PNLIPRP1: variants seen among roughly 807,000 people sequenced by gnomAD.
PNLIPRP1 encodes the protein inactive pancreatic lipase-related protein 1.
In PNLIPRP1, 57 loss-of-function variants were observed where a neutral mutation model predicts 54.6. The ratio of observed to expected loss-of-function variants is 1.04; its 90% CI spans 0.84 to 1.30. The LOEUF is 1.30. PNLIPRP1 is among the 50% of genes most tolerant of loss of function. The probability of loss-of-function intolerance (pLI) is 0.00; values close to 1 mark genes in which losing one functional copy is unlikely to be tolerated. For synonymous variants in PNLIPRP1, 232 were observed against 208.8 expected, an observed-to-expected ratio of 1.11 and a Z score of -0.96; for missense variants, 567 against 568.5, an observed-to-expected ratio of 1.00 and a Z score of 0.03.
chr10:116,597,079 A>G (rs1262541543), intron 6 of PNLIPRP1, among the ~76,000 whole-genome samples: 2 of 152,060 alleles, frequency 1.3e-5, no homozygotes, highest in African/African-American at 4.8e-5. Context: ...GGCTTAAGCA[A>G]CTCTTTATAA....
chr10:116,608,920 C>A, intron 12 of PNLIPRP1, 133 bp from the exon 13 acceptor site: 1 of 736,120 alleles, frequency 1.4e-6, no homozygotes. Context: ...CCTCCTGAAT[C>A]ACTCATCAAC....
chr10:116,605,315 G>A, intron 11 of PNLIPRP1, 71 bp from the exon 12 acceptor site: 5 of 781,362 alleles, frequency 6.4e-6, no homozygotes, highest in Non-Finnish European at 9.8e-6. Flanking sequence ...AGAGAAAACA[G>A]CAGCCTGGCA....
chr10:116,603,967 G>C (rs1355115890), intron 10 of PNLIPRP1, 63 bp from the exon 11 acceptor site: 2 of 883,982 alleles, frequency 2.3e-6, no homozygotes, highest in African/African-American at 1.7e-5. Context: ...AAGGAGACAA[G>C]TCTGGGATGT....
chr10:116,592,038 C>A lies in PNLIPRP1; in HGVS notation c.204+113C>A, dbSNP rs185082900. The A allele has an allele frequency of 3.9e-4, 459 of 1,177,080 alleles. 1 individual carries two copies. The African/African-American group carries it at 6.4e-3, about 16-fold the overall frequency. The allele number at this position is 1,177,080 out of a possible 1,614,324, so 72.9% of individuals were successfully genotyped here. A position where few individuals can be genotyped will look rare whatever the true frequency, so the allele number is the denominator to read the frequency against. ...CTTCCTCCACCATGCCCCACCCCAT[C>A]CCTCAAGCTGCCCCCCAGACCTAGC... is the stretch of plus-strand genomic sequence containing the variant. On this transcript the variant is annotated intron_variant, in intron 3 of 12. Transcript: ENST00000358834.
rs546119681 is a variant in PNLIPRP1, at chr10:116,595,310, G to A, written c.465+446G>A. ...TGGCATGTACCAGCTCTACTGGCCT[G>A]GTGGTATGGGTCCTATTGATGTTGG... On this transcript the variant is annotated intron_variant, in intron 5 of 12. Transcript: ENST00000358834. 26 of 169,436 alleles carry A rather than the reference G, an allele frequency of 1.5e-4. No individual in the cohort carries two copies. The East Asian group carries it at 4.0e-3, about 26-fold the overall frequency. 10.5% of individuals were successfully genotyped at this position (169,436 alleles called of 1,614,324 possible). A position where few individuals can be genotyped will look rare whatever the true frequency, so the allele number is the denominator to read the frequency against.
Position 116,604,681 on chromosome 10 carries a change from CT to C in PNLIPRP1, c.1172+567del, listed in dbSNP as rs1234478269. ...CCTAGGCATTTCGTCCTTTCTCTCTCTTTTTTTTTTTTTTTTTTTTTTTTGA... is the reference window on the plus strand; with the variant it reads ...CCTAGGCATTTCGTCCTTTCTCTCTCTTTTTTTTTTTTTTTTTTTTTTTGA... On this transcript the variant is annotated intron_variant, in intron 11 of 12. Transcript: ENST00000358834. Among the ~76,000 whole-genome samples, 864 of 94,144 alleles carry C rather than the reference CT, an allele frequency of 9.2e-3. 2 individuals carry two copies. Among genetic ancestry groups the C allele is most frequent in the Middle Eastern group, 0.054 (6 of 112 alleles). 61.8% of individuals were successfully genotyped at this position (94,144 alleles called of 152,430 possible).
At chr10:116,597,718 C>G in intron 6 of PNLIPRP1, 110 bp from the exon 7 acceptor site, 1 of 1,224,436 alleles carries the variant, frequency 8.2e-7, no homozygotes, top group Non-Finnish European at 1.2e-6. Flanking sequence ...CACTCTGGTG[C>G]ATGGTACCCA....
intron 5 of PNLIPRP1, 31 bp from the exon 6 acceptor site, chr10:116,596,183 A>T (rs2915765): frequency 0.49 from 703,821 of 1,442,072 alleles, 178,275 homozygotes; most frequent in Admixed American, 0.57. Context: ...ACAGCAAAAA[A>T]TGTCCTGAAA....
chr10:116,595,096 A>C (rs1554863782), intron 5 of PNLIPRP1: 16 of 508,238 alleles, frequency 3.1e-5, no homozygotes, highest in Non-Finnish European at 5.6e-5. Flanking sequence ...TTACAGATAA[A>C]GAAACTGAGG....
Position 116,597,963 on chromosome 10 carries a change from C to T in PNLIPRP1, c.694+16C>T, listed in dbSNP as rs782604524. ...CCATTCTTGGGTGAGACCTATGATG[C>T]TCCAGCTGTGAGCACGCACAACTGT... On this transcript the variant is annotated intron_variant, in intron 7 of 12. Transcript: ENST00000358834. The T allele has an allele frequency of 6.2e-6, 10 of 1,614,194 alleles. No homozygotes were observed. The highest frequency in any genetic ancestry group is 8.5e-6 in the Non-Finnish European group (10 of 1,180,022).
rs1847922201 is a variant in PNLIPRP1, at chr10:116,605,527, T to C, written c.1314T>C (p.Thr438=). 2.5e-6 allele frequency: 4 copies of C among 1,605,626 alleles called. No individual in the cohort carries two copies. Among genetic ancestry groups the C allele is most frequent in the Non-Finnish European group, 3.4e-6 (4 of 1,174,398 alleles). ...TLPKVGATKI[T]VQKGEEKTVY... ...CCAAAGTGGGTGCCACCAAGATCACTGTGCAAAAGGGAGAAGAGAAGACAG... is the reference window on the plus strand; with the variant it reads ...CCAAAGTGGGTGCCACCAAGATCACCGTGCAAAAGGGAGAAGAGAAGACAG... The change falls in exon 12 of 13, where the codon ACT becomes ACC. Residue 438 remains threonine (T), a synonymous_variant. Coordinates refer to ENST00000358834, the MANE Select transcript of PNLIPRP1 (RefSeq NM_006229.4).
At chr10:116,595,679 T>C (rs1847721853) in intron 5 of PNLIPRP1, 1 of 152,972 alleles carries the variant, frequency 6.5e-6, no homozygotes, top group African/African-American at 2.4e-5. Context: ...ATGTCAGGAG[T>C]ATGTGAGGAA....
At chr10:116,592,312 T>C (rs1226277950) in intron 3 of PNLIPRP1, 104 bp from the exon 4 acceptor site, 8 of 1,371,788 alleles carry the variant, frequency 5.8e-6, no homozygotes, top group Non-Finnish European at 7.9e-6. Context: ...GGCTTTTTGC[T>C]AAGCTTTGAA....
intron 12 of PNLIPRP1, 72 bp from the exon 13 acceptor site, chr10:116,608,981 C>CCAAAA (rs201976882): frequency 2.3e-3 from 2,370 of 1,029,296 alleles, no homozygotes; most frequent in Non-Finnish European, 3.1e-3. Context: ...CCAAACCAAA[C>CCAAAA]CAAAACAAAA....
chr10:116,605,802 G>C (rs1245530429), intron 12 of PNLIPRP1, among the ~76,000 whole-genome samples: 1 of 152,168 alleles, frequency 6.6e-6, no homozygotes, highest in Admixed American at 6.5e-5. Flanking sequence ...AAGGTAAAAT[G>C]AGAAAATACA....
chr10:116,604,393 G>A (rs1472120507), intron 11 of PNLIPRP1, among the ~76,000 whole-genome samples: 1 of 152,074 alleles, frequency 6.6e-6, no homozygotes, highest in Non-Finnish European at 1.5e-5. Context: ...TGTTCCAGTT[G>A]TCTACAGAAC....
Position 116,609,062 on chromosome 10 carries a change from C to A in PNLIPRP1, c.1350C>A (p.Phe450Leu). The A allele has an allele frequency of 6.2e-7, 1 of 1,612,818 alleles. No individual in the cohort carries two copies. Among genetic ancestry groups the A allele is most frequent in the Non-Finnish European group, 8.5e-7 (1 of 1,178,760 alleles). The change falls in exon 13 of 13, where the codon TTC becomes TTA. Residue 450 changes from phenylalanine to leucine, a missense_variant. Physicochemically the swap from Phe to Leu is conservative, Grantham distance 22. Transcript: ENST00000358834. ...TTCCTTTTCTCCCCAGGTACAACTT[C>A]TGTAGCGAAGACACAGTGCGGGAAG... is the stretch of plus-strand genomic sequence containing the variant. Reference protein sequence around the residue: ...QKGEEKTVYNFCSEDTVREDT... With the variant: ...QKGEEKTVYNLCSEDTVREDT...
intron 4 of PNLIPRP1, 108 bp from the exon 5 acceptor site, chr10:116,594,622 T>A: frequency 5.8e-6 from 7 of 1,216,350 alleles, no homozygotes; most frequent in Non-Finnish European, 7.2e-6. Flanking sequence ...CTAGTTTATC[T>A]CATGCCCTAG....
chr10:116,592,517 G>C lies in PNLIPRP1; in HGVS notation c.306G>C (p.Glu102Asp), dbSNP rs782149122. ...ATGGCTTCATAGACAAAGGAGATGA[G>C]AGCTGGGTGACAGACATGTGCAAGG... ...IIHGFIDKGD[E>D]SWVTDMCKKL... Residue 102 changes from glutamate to aspartate, a missense_variant, in exon 4 of 13, where the codon GAG becomes GAC. By Grantham distance (45) the Glu-to-Asp change is conservative. Transcript: ENST00000358834. 1.1e-5 allele frequency: 17 copies of C among 1,614,078 alleles called. No homozygotes were observed. The African/African-American group carries it at 1.1e-4, about 10-fold the overall frequency.
Sources: allele counts gnomAD v4.1 joint callset (sites outside exome capture counted in the v4.1 genomes callset), GRCh38; gene constraint gnomAD v4.1.1; transcripts MANE v1.5; gene names NCBI Gene and HGNC (gene_info 2026-07-23, HGNC 2026-07-21).